EMILIN2: variants seen among roughly 807,000 people sequenced by gnomAD.
EMILIN2 encodes EMILIN-2.
A neutral mutation model predicts 87.1 loss-of-function variants in EMILIN2; 71 were observed. The ratio of observed to expected loss-of-function variants is 0.82; its 90% CI spans 0.67 to 0.99. The LOEUF is 0.99. EMILIN2 is among the 50% of genes least tolerant of loss of function. EMILIN2 has a pLI of 0.00. For missense variants in EMILIN2, 1,407 were observed against 1,371.8 expected (o/e 1.03, Z -0.40); for synonymous variants, 581 against 563.4 (o/e 1.03, Z -0.44).
intron 4 of EMILIN2, among the ~76,000 whole-genome samples, chr18:2,900,589 G>C (rs593224): frequency 0.98 from 149,246 of 152,310 alleles, 73,195 homozygotes; most frequent in East Asian, 1. Flanking sequence ...GCCTACTTGT[G>C]AGCCACCTTG....
rs779839700 is a variant in EMILIN2, at chr18:2,891,546, A to G, written c.1419A>G (p.Glu473=). Residue 473 remains glutamate (E), a synonymous_variant, in exon 4 of 8, where the codon GAA becomes GAG. Transcript: ENST00000254528. The surrounding 1 kb of genome is among the most constrained non-coding windows in gnomAD (Gnocchi z 4.6). ...NAEEHCFYIE[E]TLRGAINGEV... ...AAGAACATTGCTTTTACATTGAGGA[A>G]ACCCTTCGGGGCGCCATTAATGGAG... 6 of 1,614,066 alleles carry G rather than the reference A, an allele frequency of 3.7e-6. No individual in the cohort carries two copies. The highest frequency in any genetic ancestry group is 5.1e-6 in the Non-Finnish European group (6 of 1,180,058).
chr18:2,899,853 G>T (rs994893181), intron 4 of EMILIN2, among the ~76,000 whole-genome samples: 12 of 152,350 alleles, frequency 7.9e-5, no homozygotes, highest in Admixed American at 7.2e-4. Context: ...AGCTGCTGAT[G>T]CTCAGCTGAG....
Position 2,913,092 on chromosome 18 carries a change from G to C in EMILIN2, c.2850G>C (p.Gly950=), listed in dbSNP as rs2076949469. 1 of 1,611,130 alleles carries C rather than the reference G, an allele frequency of 6.2e-7. No individual in the cohort carries two copies. The highest frequency in any genetic ancestry group is 8.5e-7 in the Non-Finnish European group (1 of 1,180,006). ...STGVFTAPYD[G]RYLITATLTP... Reference sequence around the variant, plus strand: ...GGGTCTTCACGGCTCCTTATGATGGGCGCTACCTGATCACGGCCACCCTCA... The same window carrying C: ...GGGTCTTCACGGCTCCTTATGATGGCCGCTACCTGATCACGGCCACCCTCA... Residue 950 remains glycine (G), a synonymous_variant, in exon 8 of 8, where the codon GGG becomes GGC. Transcript: ENST00000254528.
At chr18:2,901,725 A>G (rs997173238) in intron 4 of EMILIN2, among the ~76,000 whole-genome samples, 1 of 152,252 alleles carries the variant, frequency 6.6e-6, no homozygotes, top group Non-Finnish European at 1.5e-5. Flanking sequence ...CAGTTCAGAA[A>G]GCAGTCGGCT....
chr18:2,902,747 A>G (rs1029565901), intron 4 of EMILIN2, among the ~76,000 whole-genome samples: 6 of 152,226 alleles, frequency 3.9e-5, no homozygotes, highest in Admixed American at 6.5e-5. Flanking sequence ...TTCTAAGAGC[A>G]TTCTGGAAAA....
At chr18:2,884,093 C>T (rs1216171692) in intron 2 of EMILIN2, among the ~76,000 whole-genome samples, 1 of 151,648 alleles carries the variant, frequency 6.6e-6, no homozygotes, top group Non-Finnish European at 1.5e-5. Flanking sequence ...GGAGCTGGGA[C>T]TACAGGCGCA....
chr18:2,881,697 C>T (rs1378835903), intron 2 of EMILIN2, among the ~76,000 whole-genome samples: 1 of 152,252 alleles, frequency 6.6e-6, no homozygotes, highest in Non-Finnish European at 1.5e-5. Context: ...ATGAACAAAA[C>T]CCGAGAGCAA....
chr18:2,868,601 C>A (rs1265025312), intron 2 of EMILIN2, among the ~76,000 whole-genome samples: 2 of 152,238 alleles, frequency 1.3e-5, no homozygotes, highest in Non-Finnish European at 2.9e-5. Flanking sequence ...GGAGACCAGC[C>A]CGGCCAACAC....
At chr18:2,846,270 A>G (rs1391484398), upstream of EMILIN2, among the ~76,000 whole-genome samples, 3 of 152,402 alleles carry the variant, frequency 2.0e-5, no homozygotes, top group African/African-American at 7.2e-5. This position sits in a 1 kb window ranked among gnomAD's most constrained non-coding sequence, Gnocchi z 5.3. Context: ...ACTGTTAAGA[A>G]GCAAACGTGA....
chr18:2,881,352 G>C (rs879575292), intron 2 of EMILIN2, among the ~76,000 whole-genome samples: 1 of 152,190 alleles, frequency 6.6e-6, no homozygotes, highest in Non-Finnish European at 1.5e-5. Context: ...AACTCCCTTG[G>C]CCAGAAACTC....
chr18:2,858,949 T>C (rs1408291833), intron 2 of EMILIN2, among the ~76,000 whole-genome samples: 1 of 152,168 alleles, frequency 6.6e-6, no homozygotes, highest in Non-Finnish European at 1.5e-5. Context: ...TACCACAGTT[T>C]CTTTATCCAC....
intron 2 of EMILIN2, among the ~76,000 whole-genome samples, chr18:2,873,517 C>T (rs1031512011): frequency 6.6e-6 from 1 of 151,920 alleles, no homozygotes; most frequent in South Asian, 2.1e-4. Flanking sequence ...ACCATCCTGG[C>T]TAACACGGTG....
rs1173565497 is a variant in EMILIN2 at position 2,858,579 on chromosome 18, G to GTATA, written c.257+10649_257+10650insATAT. Among the ~76,000 whole-genome samples, 80 of 62,400 alleles carry GTATA rather than the reference G, an allele frequency of 1.3e-3. 6 individuals are homozygous for GTATA. The highest frequency in any genetic ancestry group is 4.6e-3 in the African/African-American group (43 of 9,386). 40.9% of individuals were successfully genotyped at this position (62,400 alleles called of 152,430 possible). ...TATATATATATATATATGTGTGTGTGTGTGTATATATATATATATATATGT... is the reference window on the plus strand; with the variant it reads ...TATATATATATATATATGTGTGTGTGTATATGTGTATATATATATATATATATGT... On this transcript the variant is annotated intron_variant, in intron 2 of 7. Coordinates refer to ENST00000254528, the MANE Select transcript of EMILIN2 (RefSeq NM_032048.3).
chr18:2,908,815 C>A, intron 5 of EMILIN2, 128 bp from the exon 6 acceptor site: 1 of 1,116,954 alleles, frequency 9.0e-7, no homozygotes, highest in South Asian at 1.3e-5. Context: ...TGCCCTTGTT[C>A]TATGTCTGTT....
chr18:2,872,149 C>T (rs913549369), intron 2 of EMILIN2, among the ~76,000 whole-genome samples: 2 of 152,152 alleles, frequency 1.3e-5, no homozygotes, highest in South Asian at 2.1e-4. Flanking sequence ...TGAATACTGA[C>T]GGCTCAAGAA....
rs912118781 is a variant in EMILIN2, at chr18:2,851,359, C to T, written c.257+3428C>T. Among the ~76,000 whole-genome samples, 20 of 152,178 alleles carry T rather than the reference C, an allele frequency of 1.3e-4. No homozygotes were observed. In the South Asian group the frequency reaches 1.9e-3, roughly 14 times the overall value. On this transcript the variant is annotated intron_variant, in intron 2 of 7. Transcript: ENST00000254528. Reference sequence around the variant, plus strand: ...CTGAGATAGAAGGATTGCTTGAGCCCAGGAGTTCGAGGCTGCAGTGAGCTA... The same window carrying T: ...CTGAGATAGAAGGATTGCTTGAGCCTAGGAGTTCGAGGCTGCAGTGAGCTA...
chr18:2,877,882 G>A (rs1334578603), intron 2 of EMILIN2, among the ~76,000 whole-genome samples: 2 of 152,192 alleles, frequency 1.3e-5, no homozygotes, highest in African/African-American at 2.4e-5. Context: ...AAAAAGGAAG[G>A]AAATTCTGAC....
Position 2,847,599 on chromosome 18 carries a change from T to C in EMILIN2, c.135-210T>C, listed in dbSNP as rs1014004478. On this transcript the variant is annotated intron_variant, in intron 1 of 7. Coordinates refer to ENST00000254528, the MANE Select transcript of EMILIN2 (RefSeq NM_032048.3). The surrounding 1 kb of genome is among the most constrained non-coding windows in gnomAD (Gnocchi z 4.5). ...GAGCCCCTGGGACCATGGGTGCTTT[T>C]CTTTCCCGTCTTGGTCGGGTCCAGG... 6.6e-6 allele frequency among the ~76,000 whole-genome samples: 1 copy of C among 152,114 alleles called. No homozygotes were observed. Among genetic ancestry groups the C allele is most frequent in the African/African-American group, 2.4e-5 (1 of 41,446 alleles).
intron 7 of EMILIN2, among the ~76,000 whole-genome samples, chr18:2,910,951 C>T (rs952125557): frequency 6.6e-6 from 1 of 152,214 alleles, no homozygotes; most frequent in African/African-American, 2.4e-5. Flanking sequence ...GTAGCTTCCT[C>T]CTGGGCCCCA....
Sources: allele counts gnomAD v4.1 joint callset (sites outside exome capture counted in the v4.1 genomes callset), GRCh38; gene constraint gnomAD v4.1.1; non-coding constraint Gnocchi (gnomAD v3.1); transcripts MANE v1.5; gene names NCBI Gene and HGNC (gene_info 2026-07-23, HGNC 2026-07-21).